ZNF488: variants seen among roughly 807,000 people sequenced by gnomAD.
ZNF488 encodes zinc finger protein 488.
In ZNF488, 1 loss-of-function variant was observed where a neutral mutation model predicts 1.2. The ratio of observed to expected loss-of-function variants is 0.86; its 90% confidence interval spans 0.30 to 4.07. The LOEUF (loss-of-function observed/expected upper bound fraction) is 4.07. Among genes scored for constraint, ZNF488 ranks in the 30% most tolerant of loss-of-function variants. The probability of loss-of-function intolerance (pLI) is 0.18; values close to 1 mark genes in which losing one functional copy is unlikely to be tolerated. For missense variants in ZNF488, 450 were observed against 437.9 expected, an observed-to-expected ratio of 1.03 and a Z score of -0.25; for synonymous variants, 185 against 190.1, an observed-to-expected ratio of 0.97 and a Z score of 0.22.
In ZNF488 at chr10:47,367,796, G is replaced by A; in HGVS notation, c.*11C>T. ...GCTGCTGCACCCAGCAGGTCATTCT[G>A]CGGTCACCTGCTAGCTGTGAGAAGT... is the stretch of plus-strand genomic sequence containing the variant. On this transcript the variant is annotated 3_prime_UTR_variant, in exon 2 of 2. Transcript: ENST00000585316. 3 of 1,599,416 alleles carry A rather than the reference G, an allele frequency of 1.9e-6. No individual in the cohort carries two copies. Among genetic ancestry groups the A allele is most frequent in the Non-Finnish European group, 2.6e-6 (3 of 1,173,080 alleles).
At chr10:47,371,612 G>T (rs1837470773) in intron 1 of ZNF488, among the ~76,000 whole-genome samples, 1 of 151,932 alleles carries the variant, frequency 6.6e-6, no homozygotes, top group Non-Finnish European at 1.5e-5. Context: ...TCTTATTTTA[G>T]CATTTTGTTT....
chr10:47,372,497 C>G (rs1253984362), intron 1 of ZNF488, among the ~76,000 whole-genome samples: 144 of 151,788 alleles, frequency 9.5e-4, no homozygotes, highest in Non-Finnish European at 1.8e-4. Flanking sequence ...CTCAAGCCTC[C>G]TCTGCTTTCT....
intron 1 of ZNF488, among the ~76,000 whole-genome samples, chr10:47,376,063 G>T (rs973994957): frequency 6.6e-6 from 1 of 152,132 alleles, no homozygotes; most frequent in Non-Finnish European, 1.5e-5. Context: ...CTTTTATTCT[G>T]TGATAACAGG....
At chr10:47,379,617 G>A (rs1555214896) in intron 1 of ZNF488, among the ~76,000 whole-genome samples, 2 of 152,272 alleles carry the variant, frequency 1.3e-5, no homozygotes, top group Non-Finnish European at 2.9e-5. Context: ...ACAAGGGCCA[G>A]ACCGAAGACC....
In ZNF488 at chr10:47,368,910, T is replaced by C. The variant is rs1476707128; in HGVS notation, c.-81A>G. 14 of 1,490,790 alleles carry C rather than the reference T, an allele frequency of 9.4e-6. No homozygotes were observed. The highest frequency in any genetic ancestry group is 1.3e-5 in the Non-Finnish European group (14 of 1,114,150). The allele number at this position is 1,490,790 out of a possible 1,614,324, so 92.3% of individuals were successfully genotyped here. On this transcript the variant is annotated 5_prime_UTR_variant, in exon 2 of 2. Transcript: ENST00000585316. Reference sequence around the variant, plus strand: ...GAGATATGGAAGCTCCCCATGACACTGGGCTGGACACACTCGGCCACAGGG... The same window carrying C: ...GAGATATGGAAGCTCCCCATGACACCGGGCTGGACACACTCGGCCACAGGG...
intron 1 of ZNF488, among the ~76,000 whole-genome samples, chr10:47,378,113 G>T (rs185431129): frequency 6.6e-6 from 1 of 152,082 alleles, no homozygotes; most frequent in Non-Finnish European, 1.5e-5. Context: ...ATCTCCACTC[G>T]CCAGAAGTGC....
chr10:47,367,892 C>T lies in ZNF488; in HGVS notation c.938G>A (p.Arg313Lys), dbSNP rs561761101. 6.2e-7 allele frequency: 1 copy of T among 1,614,074 alleles called. No individual in the cohort carries two copies. The highest frequency in any genetic ancestry group is 1.1e-5 in the South Asian group (1 of 91,084). The part of the protein sequence containing the change: ...AGPDPHSQKR[R>K]EEALACPVCQ... ...CACAGGGCAGGCAAGGGCCTCTTCT[C>T]TCCGCTTCTGAGAATGTGGGTCAGG... The change falls in exon 2 of 2, where the codon AGA (arginine) becomes AAA (lysine). Residue 313 changes from arginine to lysine, a missense_variant. By Grantham distance (26) the Arg-to-Lys change is conservative. Coordinates refer to ENST00000585316, the MANE Select transcript of ZNF488 (RefSeq NM_153034.4).
intron 1 of ZNF488, among the ~76,000 whole-genome samples, chr10:47,371,936 C>T (rs1425775846): frequency 5.3e-5 from 8 of 152,082 alleles, no homozygotes; most frequent in Non-Finnish European, 1.2e-4. Flanking sequence ...CCTAGAGAGA[C>T]CCCTCCTCTG....
chr10:47,374,087 A>G (rs1185114879), intron 1 of ZNF488, among the ~76,000 whole-genome samples: 1 of 152,206 alleles, frequency 6.6e-6, no homozygotes, highest in Non-Finnish European at 1.5e-5. Context: ...ATGAGTCTCA[A>G]CTTCAGTGTT....
At chr10:47,383,827 G>C (rs1190855968) in intron 1 of ZNF488, among the ~76,000 whole-genome samples, 1 of 152,118 alleles carries the variant, frequency 6.6e-6, no homozygotes, top group Non-Finnish European at 1.5e-5. Context: ...ACTGCAGCCT[G>C]AAAGTCACCC....
rs1368296205 is a variant in ZNF488, at chr10:47,366,525, T to A, written c.*1282A>T. On this transcript the variant is annotated 3_prime_UTR_variant, in exon 2 of 2. Coordinates refer to ENST00000585316, the MANE Select transcript of ZNF488 (RefSeq NM_153034.4). ...ACTCATTGGAGGGCTGGAAACTGCA[T>A]ATCAAAAGAACAATATCTGACAGTG... 3 of 167,044 alleles carry A rather than the reference T, an allele frequency of 1.8e-5. No individual in the cohort carries two copies. Among genetic ancestry groups the A allele is most frequent in the Admixed American group, 6.6e-5 (1 of 15,266 alleles). The allele number at this position is 167,044 out of a possible 1,614,324, so 10.3% of individuals were successfully genotyped here.
intron 1 of ZNF488, among the ~76,000 whole-genome samples, chr10:47,370,093 C>A (rs1384859809): frequency 1.3e-5 from 2 of 152,082 alleles, no homozygotes; most frequent in Non-Finnish European, 2.9e-5. Flanking sequence ...AATGTGAGCC[C>A]TCCATATTCC....
At position 47,366,820 on chromosome 10, in the gene ZNF488, G is replaced by C. The variant is rs1421182184; in HGVS notation, c.*987C>G. 1.2e-5 allele frequency: 2 copies of C among 167,048 alleles called. No individual in the cohort carries two copies. The highest frequency in any genetic ancestry group is 4.8e-5 in the African/African-American group (2 of 41,436). The allele number at this position is 167,048 out of a possible 1,614,324, so 10.3% of individuals were successfully genotyped here. A position where few individuals can be genotyped will look rare whatever the true frequency, so the allele number is the denominator to read the frequency against. On this transcript the variant is annotated 3_prime_UTR_variant, in exon 2 of 2. Transcript: ENST00000585316. ...GTAAAACAGCATGTGTGTAGGTGGT[G>C]GGGAGGGGGTTCTATTTCCCCGTAT...
intron 1 of ZNF488, among the ~76,000 whole-genome samples, chr10:47,373,008 T>C (rs1020421982): frequency 1.3e-5 from 2 of 152,302 alleles, no homozygotes; most frequent in East Asian, 3.9e-4. Context: ...GCCACACCTA[T>C]GGCAGACTGA....
At chr10:47,372,384 G>A (rs778894274) in intron 1 of ZNF488, among the ~76,000 whole-genome samples, 10 of 152,152 alleles carry the variant, frequency 6.6e-5, no homozygotes, top group African/African-American at 1.7e-4. Flanking sequence ...GAACAGAGCC[G>A]GTGATGCTCA....
Position 47,368,068 on chromosome 10 carries a change from G to T in ZNF488, c.762C>A (p.Ser254=), listed in dbSNP as rs782024041. ...TQAQVPPPSS[S]STTSWALLPP... ...GCAGGAGGGCCCACGAAGTGGTGGAGGATGATGAGGGTGGGGGCACCTGGG... is the reference window on the plus strand; with the variant it reads ...GCAGGAGGGCCCACGAAGTGGTGGATGATGATGAGGGTGGGGGCACCTGGG... Residue 254 remains serine, a synonymous_variant, in exon 2 of 2, where the codon TCC becomes TCA. Coordinates refer to ENST00000585316, the MANE Select transcript of ZNF488 (RefSeq NM_153034.4). The T allele has an allele frequency of 8.1e-6, 13 of 1,614,074 alleles. No homozygotes were observed. The highest frequency in any genetic ancestry group is 1.1e-5 in the Non-Finnish European group (13 of 1,180,026).
intron 1 of ZNF488, among the ~76,000 whole-genome samples, chr10:47,374,854 T>C (rs1837617868): frequency 6.6e-6 from 1 of 152,194 alleles, no homozygotes; most frequent in South Asian, 2.1e-4. Flanking sequence ...CTGGGTGATG[T>C]ATCTGGCTGC....
At chr10:47,371,663 T>C (rs1288966843) in intron 1 of ZNF488, among the ~76,000 whole-genome samples, 1 of 152,092 alleles carries the variant, frequency 6.6e-6, no homozygotes, top group Non-Finnish European at 1.5e-5. Context: ...AGTGCCCTTT[T>C]CTGCTTGGTC....
At chr10:47,373,511 C>T (rs1311729322) in intron 1 of ZNF488, among the ~76,000 whole-genome samples, 2 of 152,130 alleles carry the variant, frequency 1.3e-5, no homozygotes, top group Non-Finnish European at 2.9e-5. Flanking sequence ...ACTGGGCAAT[C>T]GTGAAATGAG....
Sources: gnomAD v4.1 joint callset for allele counts (sites outside exome capture counted in the v4.1 genomes callset) on GRCh38, gnomAD v4.1.1 for gene constraint, MANE v1.5 for transcripts, NCBI Gene and HGNC (gene_info 2026-07-23, HGNC 2026-07-21) for gene names.